RGS6: variants seen among roughly 807,000 people sequenced by gnomAD.
RGS6 encodes regulator of G-protein signaling 6.
In RGS6, 30 loss-of-function variants were observed where a neutral mutation model predicts 78.5. That is an observed-to-expected ratio of 0.38 (90% CI 0.29 to 0.52). The LOEUF (loss-of-function observed/expected upper bound fraction) is 0.52, where lower values mean the gene tolerates loss of function less well. RGS6 is among the 20% of genes least tolerant of loss of function. The pLI is 0.85. For synonymous variants in RGS6, 206 were observed against 206.0 expected, an observed-to-expected ratio of 1.00 and a Z score of 0.00; for missense variants, 495 against 609.7, an observed-to-expected ratio of 0.81 and a Z score of 1.98.
At chr14:72,324,736 T>C (rs1326546675) in intron 2 of RGS6, among the ~76,000 whole-genome samples, 1 of 152,134 alleles carries the variant, frequency 6.6e-6, no homozygotes, top group Non-Finnish European at 1.5e-5. Context: ...GTGCCACATT[T>C]TCTTAATCCA....
chr14:72,072,725 CTTAA>C (rs1316813766), intron 2 of RGS6, among the ~76,000 whole-genome samples: 2 of 152,188 alleles, frequency 1.3e-5, no homozygotes, highest in East Asian at 3.8e-4. Context: ...TGGTCCTTCA[CTTAA>C]TTAAGCAACT....
intron 2 of RGS6, among the ~76,000 whole-genome samples, chr14:71,972,073 G>A (rs529632663): frequency 4.1e-4 from 62 of 152,142 alleles, no homozygotes; most frequent in Non-Finnish European, 7.9e-4. Context: ...TGTTACATAG[G>A]TATACATGTG....
At chr14:72,105,085 G>A (rs1293055338) in intron 2 of RGS6, among the ~76,000 whole-genome samples, 1 of 152,180 alleles carries the variant, frequency 6.6e-6, no homozygotes, top group Non-Finnish European at 1.5e-5. Flanking sequence ...ATGGGAATCA[G>A]ATCCAGACAC....
At chr14:71,974,890 C>T (rs1191744581) in intron 2 of RGS6, among the ~76,000 whole-genome samples, 2 of 152,166 alleles carry the variant, frequency 1.3e-5, no homozygotes, top group Non-Finnish European at 2.9e-5. Context: ...GCCTGTAATC[C>T]CAGCACTTGG....
At chr14:72,107,064 C>T (rs2095648843) in intron 2 of RGS6, among the ~76,000 whole-genome samples, 1 of 152,014 alleles carries the variant, frequency 6.6e-6, no homozygotes, top group African/African-American at 2.4e-5. Context: ...ATTTCATTTT[C>T]ATTTATTAGC....
intron 2 of RGS6, among the ~76,000 whole-genome samples, chr14:72,338,531 G>A (rs528179628): frequency 7.2e-5 from 11 of 152,334 alleles, no homozygotes; most frequent in Middle Eastern, 3.4e-3. Flanking sequence ...TAAGATTTGG[G>A]TGGGGACACA....
chr14:72,570,032 T>C (rs1235869986), downstream of RGS6, among the ~76,000 whole-genome samples: 1 of 152,250 alleles, frequency 6.6e-6, no homozygotes, highest in Non-Finnish European at 1.5e-5. Context: ...GAAGAGAATG[T>C]ATGCTTTCTT....
chr14:72,055,030 G>A (rs2093546522), intron 2 of RGS6, among the ~76,000 whole-genome samples: 1 of 152,188 alleles, frequency 6.6e-6, no homozygotes, highest in African/African-American at 2.4e-5. Context: ...CAATACTCAT[G>A]TCATTGGGCA....
At chr14:72,222,283 G>A (rs946199275) in intron 2 of RGS6, among the ~76,000 whole-genome samples, 1 of 152,198 alleles carries the variant, frequency 6.6e-6, no homozygotes, top group East Asian at 1.9e-4. Context: ...CCCAGAACAG[G>A]GAATTCTCCA....
At chr14:72,035,189 A>G (rs547421206) in intron 2 of RGS6, among the ~76,000 whole-genome samples, 12 of 152,224 alleles carry the variant, frequency 7.9e-5, no homozygotes, top group Non-Finnish European at 1.3e-4. Flanking sequence ...CTATATTGCT[A>G]TGTTCAGATT....
intron 9 of RGS6, among the ~76,000 whole-genome samples, chr14:72,474,285 C>A (rs1471853721): frequency 6.7e-6 from 1 of 148,938 alleles, no homozygotes; most frequent in Non-Finnish European, 1.5e-5. Flanking sequence ...AAATAAATAG[C>A]TACTCATCCT....
chr14:72,252,644 G>A lies in RGS6; in HGVS notation c.85-99451G>A, dbSNP rs558408482. 5.3e-5 allele frequency among the ~76,000 whole-genome samples: 8 copies of A among 152,182 alleles called. No individual in the cohort carries two copies. In the South Asian group the frequency reaches 6.2e-4, roughly 12 times the overall value. On this transcript the variant is annotated intron_variant, in intron 2 of 17. Transcript: ENST00000553525. ...CTCTAGAAATAGTAAACAGTGGCTC[G>A]TAACTGATGAATGTGATGGTTTTAG...
intron 2 of RGS6, among the ~76,000 whole-genome samples, chr14:72,286,869 C>A (rs1331016658): frequency 6.6e-6 from 1 of 151,984 alleles, no homozygotes; most frequent in Non-Finnish European, 1.5e-5. Context: ...CTGCAATCTC[C>A]ACCTCTCAGG....
intron 2 of RGS6, among the ~76,000 whole-genome samples, chr14:72,127,088 A>G (rs938753542): frequency 1.3e-5 from 2 of 152,232 alleles, no homozygotes; most frequent in African/African-American, 2.4e-5. Flanking sequence ...TTATCAAAAT[A>G]TCCCGTACCA....
At chr14:72,021,531 C>G (rs1183094315) in intron 2 of RGS6, among the ~76,000 whole-genome samples, 2 of 145,122 alleles carry the variant, frequency 1.4e-5, no homozygotes, top group Non-Finnish European at 3.0e-5. Context: ...TGCAATGGCA[C>G]GATCTCAGCT....
At chr14:72,110,265 C>CA (rs775863755) in intron 2 of RGS6, among the ~76,000 whole-genome samples, 1 of 152,216 alleles carries the variant, frequency 6.6e-6, no homozygotes, top group Non-Finnish European at 1.5e-5. Context: ...TATTTTAACT[C>CA]AGAGTATGTT....
At chr14:72,277,734 C>T (rs562290245) in intron 2 of RGS6, among the ~76,000 whole-genome samples, 6 of 152,194 alleles carry the variant, frequency 3.9e-5, no homozygotes, top group African/African-American at 1.4e-4. Context: ...TTGAGACCAG[C>T]CTGGTCGACA....
intron 14 of RGS6, among the ~76,000 whole-genome samples, chr14:72,516,456 C>T (rs1023385777): frequency 3.3e-5 from 5 of 152,164 alleles, no homozygotes; most frequent in Non-Finnish European, 5.9e-5. Context: ...TAAAGAAACA[C>T]GACTGCTTTC....
the RGS6 span, among the ~76,000 whole-genome samples, chr14:72,613,925 C>A: frequency 6.6e-6 from 1 of 152,164 alleles, no homozygotes; most frequent in Non-Finnish European, 1.5e-5. Flanking sequence ...TATCCTCCCA[C>A]ATCCCGGGTG....
Sources: allele counts gnomAD v4.1 joint callset (sites outside exome capture counted in the v4.1 genomes callset), GRCh38; gene constraint gnomAD v4.1.1; transcripts MANE v1.5; gene names NCBI Gene and HGNC (gene_info 2026-07-23, HGNC 2026-07-21).